The following CIMAP1C variants were observed in gnomAD, a reference collection of about 807,000 sequenced individuals.
CIMAP1C encodes outer dense fiber of sperm tails 3 like 1.
chr15:75,727,262 G>T, the CIMAP1C span: 1 of 1,614,184 alleles, frequency 6.2e-7, no homozygotes, highest in South Asian at 1.1e-5. Context: ...CTACAGTCTG[G>T]CCTCCAGGGA....
At chr15:75,724,447 C>T in the CIMAP1C span, 1 of 695,778 alleles carries the variant, frequency 1.4e-6, no homozygotes. Context: ...CAAGCTGACC[C>T]TCACAGGCAG....
the CIMAP1C span, chr15:75,724,976 T>C: frequency 3.2e-6 from 2 of 621,524 alleles, no homozygotes; most frequent in South Asian, 1.9e-5. Context: ...GCTGGATGGA[T>C]GCTGGGCTCG....
the CIMAP1C span, chr15:75,727,095 T>C: frequency 6.2e-7 from 1 of 1,613,772 alleles, no homozygotes; most frequent in Non-Finnish European, 8.5e-7. Context: ...CAGTACTACT[T>C]TGAGAAGATC....
the CIMAP1C span, chr15:75,727,015 G>A: frequency 1.3e-6 from 2 of 1,582,690 alleles, no homozygotes; most frequent in Non-Finnish European, 1.7e-6. Flanking sequence ...AATGAGGTCT[G>A]TTCCCTGCTC....
the CIMAP1C span, among the ~76,000 whole-genome samples, chr15:75,726,469 G>A: frequency 4.6e-5 from 7 of 152,062 alleles, no homozygotes; most frequent in East Asian, 1.9e-4. Context: ...TTTCTGTGTC[G>A]CTGTCAGAGG....
chr15:75,727,353 A>G, the CIMAP1C span: 1 of 1,614,122 alleles, frequency 6.2e-7, no homozygotes. Flanking sequence ...TCCATCTATC[A>G]GAACCGCAGC....
chr15:75,726,191 A>C, the CIMAP1C span: 4 of 799,842 alleles, frequency 5.0e-6, no homozygotes, highest in Non-Finnish European at 8.2e-6. Context: ...GGTTATGGAC[A>C]GATGTTGGGG....
At chr15:75,725,997 C>G in the CIMAP1C span, 1 of 1,106,702 alleles carries the variant, frequency 9.0e-7, no homozygotes, top group Non-Finnish European at 1.4e-6. Context: ...TGGAGGCAGG[C>G]CAGGTGCTCA....
chr15:75,726,178 TG>T, the CIMAP1C span: 1 of 1,307,886 alleles, frequency 7.6e-7, no homozygotes, highest in South Asian at 1.2e-5. Context: ...CTGCGTAAGA[TG>T]GGGTTATGGA....
the CIMAP1C span, chr15:75,727,191 A>G: frequency 3.1e-6 from 5 of 1,613,920 alleles, no homozygotes; most frequent in Non-Finnish European, 3.4e-6. Context: ...CCGGCTCCCA[A>G]CCAGTACCAG....
the CIMAP1C span, chr15:75,727,006 A>G: frequency 6.4e-7 from 1 of 1,567,008 alleles, no homozygotes; most frequent in African/African-American, 1.4e-5. Flanking sequence ...CTAGCAGAGA[A>G]TGAGGTCTGT....
the CIMAP1C span, among the ~76,000 whole-genome samples, chr15:75,725,811 C>A: frequency 6.6e-6 from 1 of 152,152 alleles, no homozygotes; most frequent in Non-Finnish European, 1.5e-5. Context: ...GGCCCCAACC[C>A]CTGATTGGGT....
chr15:75,727,581 T>C, the CIMAP1C span: 1 of 1,514,314 alleles, frequency 6.6e-7, no homozygotes, highest in South Asian at 1.3e-5. Flanking sequence ...TCCCCAGAAA[T>C]TATTTTTCTA....
At chr15:75,727,385 C>T in the CIMAP1C span, 69 of 1,614,070 alleles carry the variant, frequency 4.3e-5, 1 homozygote, top group South Asian at 5.2e-4. Flanking sequence ...CATGGCCAAG[C>T]GCTTCGCCTA....
At chr15:75,727,251 G>T in the CIMAP1C span, 1 of 1,614,070 alleles carries the variant, frequency 6.2e-7, no homozygotes, top group Admixed American at 1.7e-5. Flanking sequence ...GCTGCTCCCT[G>T]CTACAGTCTG....
the CIMAP1C span, chr15:75,727,453 T>C: frequency 6.2e-7 from 1 of 1,614,010 alleles, no homozygotes; most frequent in Non-Finnish European, 8.5e-7. Context: ...AGCAGGTCAC[T>C]GTGCACAAGC....
the CIMAP1C span, chr15:75,725,190 T>C: frequency 1.4e-4 from 227 of 1,613,732 alleles, no homozygotes; most frequent in Admixed American, 1.1e-3. Context: ...CACCAGCTTA[T>C]ACCCTGCATA....
the CIMAP1C span, chr15:75,727,140 C>A: frequency 5.0e-6 from 8 of 1,613,982 alleles, no homozygotes; most frequent in Non-Finnish European, 6.8e-6. Flanking sequence ...CCCCAGTACA[C>A]GTTTGGCTAC....
At chr15:75,724,312 T>C in the CIMAP1C span, 1 of 1,610,132 alleles carries the variant, frequency 6.2e-7, no homozygotes, top group Non-Finnish European at 8.5e-7. Flanking sequence ...ATGGCCAAGA[T>C]CAAAGGTGAG....
Sources: allele counts gnomAD v4.1 joint callset (sites outside exome capture counted in the v4.1 genomes callset), GRCh38; gene constraint gnomAD v4.1.1; transcripts MANE v1.5; gene names NCBI Gene and HGNC (gene_info 2026-07-23, HGNC 2026-07-21).